The following TDRD5 variants were observed in gnomAD, a reference collection of about 807,000 sequenced individuals.
TDRD5 encodes tudor domain containing 5, also known as tudor domain-containing protein 5.
In TDRD5, 41 loss-of-function variants were observed where a neutral mutation model predicts 120.6. That is an observed-to-expected ratio of 0.34 (90% CI 0.26 to 0.44). The LOEUF (loss-of-function observed/expected upper bound fraction) is 0.44, where lower values mean the gene tolerates loss of function less well. TDRD5 is among the 20% of genes least tolerant of loss of function. The pLI is 1.00. For synonymous variants in TDRD5, 430 were observed against 433.7 expected, an observed-to-expected ratio of 0.99 and a Z score of 0.11; for missense variants, 1,006 against 1,221.2, an observed-to-expected ratio of 0.82 and a Z score of 2.63.
chr1:179,666,286 A>G (rs1355381420), intron 16 of TDRD5, among the ~76,000 whole-genome samples: 1 of 152,188 alleles, frequency 6.6e-6, no homozygotes, highest in African/African-American at 2.4e-5. Flanking sequence ...AATACTTACA[A>G]ACCTACCTCA....
chr1:179,594,813 C>T (rs927427651), intron 3 of TDRD5, among the ~76,000 whole-genome samples: 1 of 152,188 alleles, frequency 6.6e-6, no homozygotes, highest in Non-Finnish European at 1.5e-5. Context: ...CTCTGGAGGC[C>T]ACTAAGTGTT....
chr1:179,634,685 A>T, intron 8 of TDRD5, 56 bp downstream of exon 8: 3 of 1,513,612 alleles, frequency 2.0e-6, no homozygotes, highest in Non-Finnish European at 2.6e-6. Context: ...AAAGTAAATG[A>T]ATGTGTGTTT....
At chr1:179,647,344 A>G (rs2102049322) in intron 11 of TDRD5, among the ~76,000 whole-genome samples, 1 of 149,186 alleles carries the variant, frequency 6.7e-6, no homozygotes, top group South Asian at 2.2e-4. Flanking sequence ...AAAACAAGCA[A>G]TGGGGAAAGG....
intron 14 of TDRD5, among the ~76,000 whole-genome samples, chr1:179,655,739 A>G (rs771973209): frequency 2.3e-4 from 35 of 152,298 alleles, no homozygotes; most frequent in Middle Eastern, 3.4e-3. Flanking sequence ...TCTTTCATTC[A>G]GTATATTTCT....
intron 11 of TDRD5, among the ~76,000 whole-genome samples, chr1:179,649,759 A>G (rs1195839883): frequency 6.6e-6 from 1 of 152,012 alleles, no homozygotes; most frequent in African/African-American, 2.4e-5. Context: ...TTCTTTGTAT[A>G]TTTTTTATCT....
At chr1:179,666,547 A>G (rs1422784527) in intron 16 of TDRD5, among the ~76,000 whole-genome samples, 1 of 152,108 alleles carries the variant, frequency 6.6e-6, no homozygotes, top group African/African-American at 2.4e-5. Flanking sequence ...TTGTGATGCC[A>G]TGATCTTTTT....
At chr1:179,607,478 A>G (rs1676038611) in intron 4 of TDRD5, among the ~76,000 whole-genome samples, 1 of 152,044 alleles carries the variant, frequency 6.6e-6, no homozygotes, top group Non-Finnish European at 1.5e-5. Flanking sequence ...GTGGGAGGGA[A>G]CACTCTTTGC....
intron 17 of TDRD5, among the ~76,000 whole-genome samples, chr1:179,677,312 G>T (rs1482480876): frequency 1.3e-5 from 2 of 151,994 alleles, no homozygotes; most frequent in East Asian, 3.9e-4. Context: ...GTGCCTCCTT[G>T]ATTAGCTTGA....
rs115390390 is a variant in TDRD5 at position 179,593,336 on chromosome 1, G to A, written c.233-124G>A. ...AGAAATCGAGGAACCAAGAGTTACT[G>A]TTTATCGTGCTGCCTGGATAAACAG... On this transcript the variant is annotated intron_variant, in intron 2 of 17. Transcript: ENST00000444136. The A allele has an allele frequency of 5.4e-4, 592 of 1,090,342 alleles. 8 individuals carry two copies. The African/African-American group carries it at 8.0e-3, about 15-fold the overall frequency. 67.5% of individuals were successfully genotyped at this position (1,090,342 alleles called of 1,614,324 possible).
intron 4 of TDRD5, among the ~76,000 whole-genome samples, chr1:179,598,553 A>G (rs1675530733): frequency 6.6e-6 from 1 of 152,180 alleles, no homozygotes; most frequent in African/African-American, 2.4e-5. Flanking sequence ...AATGTTTTAT[A>G]GTTTTCAATG....
intron 9 of TDRD5, among the ~76,000 whole-genome samples, chr1:179,636,338 G>A (rs1048280629): frequency 2.6e-5 from 4 of 152,240 alleles, no homozygotes; most frequent in Non-Finnish European, 5.9e-5. Flanking sequence ...GCTAAAACTT[G>A]AGAAATGGTA....
intron 4 of TDRD5, among the ~76,000 whole-genome samples, chr1:179,596,790 G>A (rs1451339070): frequency 6.6e-6 from 1 of 152,056 alleles, no homozygotes; most frequent in Non-Finnish European, 1.5e-5. Flanking sequence ...CATACATCTT[G>A]TATGGCCATA....
intron 9 of TDRD5, among the ~76,000 whole-genome samples, chr1:179,636,760 G>A (rs1677783931): frequency 6.6e-6 from 1 of 152,198 alleles, no homozygotes; most frequent in Non-Finnish European, 1.5e-5. Flanking sequence ...GCTCACAGTG[G>A]TGAATGCAAC....
chr1:179,609,804 C>G (rs1443884412), intron 4 of TDRD5, among the ~76,000 whole-genome samples: 1 of 152,130 alleles, frequency 6.6e-6, no homozygotes, highest in Admixed American at 6.6e-5. Context: ...CCTCAAAGAA[C>G]TTCTCTCCAC....
intron 17 of TDRD5, among the ~76,000 whole-genome samples, chr1:179,684,617 C>T (rs189654112): frequency 6.6e-4 from 100 of 152,328 alleles, no homozygotes; most frequent in East Asian, 4.4e-3. Context: ...CTTGAGGAAT[C>T]GCCACACTGT....
chr1:179,656,109 T>C (rs1393044073), intron 14 of TDRD5, among the ~76,000 whole-genome samples: 1 of 152,258 alleles, frequency 6.6e-6, no homozygotes, highest in East Asian at 1.9e-4. Context: ...CACTTGACAT[T>C]GTCAGTAATT....
At chr1:179,593,399 T>G in intron 2 of TDRD5, 61 bp from the exon 3 acceptor site, 1 of 1,526,626 alleles carries the variant, frequency 6.6e-7, no homozygotes, top group Non-Finnish European at 8.9e-7. Flanking sequence ...ACACAGATAC[T>G]AAGGATAAAG....
At chr1:179,621,117 C>G in intron 6 of TDRD5, 26 bp downstream of exon 6, 1 of 1,578,680 alleles carries the variant, frequency 6.3e-7, no homozygotes, top group East Asian at 2.3e-5. Context: ...TTCCCCAACC[C>G]TAATTTTTTA....
At position 179,637,821 on chromosome 1, in the gene TDRD5, T is replaced by C. The variant is rs1677848490; in HGVS notation, c.1520+1934T>C. On this transcript the variant is annotated intron_variant, in intron 9 of 17. Coordinates refer to ENST00000444136, the MANE Select transcript of TDRD5 (RefSeq NM_001199085.3). ...CATGGTCCTTTGCCTTTGCGAATACTGTGATTAGCTTAAGAAGATAGGAGA... is the reference window on the plus strand; with the variant it reads ...CATGGTCCTTTGCCTTTGCGAATACCGTGATTAGCTTAAGAAGATAGGAGA... Among the ~76,000 whole-genome samples, 3 of 152,336 alleles carry C rather than the reference T, an allele frequency of 2.0e-5. No individual in the cohort carries two copies. In the South Asian group the frequency reaches 6.2e-4, roughly 32 times the overall value.
Sources: allele counts gnomAD v4.1 joint callset (sites outside exome capture counted in the v4.1 genomes callset), GRCh38; gene constraint gnomAD v4.1.1; transcripts MANE v1.5; gene names NCBI Gene and HGNC (gene_info 2026-07-23, HGNC 2026-07-21).